DAPK2: variants seen among roughly 807,000 people sequenced by gnomAD.
DAPK2 encodes the protein death associated protein kinase 2.
DAPK2 carries 35 observed loss-of-function variants against 44.1 expected under a neutral mutation model. That is an observed-to-expected ratio of 0.79 (90% CI 0.61 to 1.05). DAPK2 has a LOEUF of 1.05. DAPK2 is among the 50% of genes least tolerant of loss of function. The probability of loss-of-function intolerance (pLI) is 0.00; values close to 1 mark genes in which losing one functional copy is unlikely to be tolerated. For missense variants in DAPK2, 453 were observed against 483.2 expected (o/e 0.94, Z 0.59); for synonymous variants, 174 against 182.6 (o/e 0.95, Z 0.38).
intron 1 of DAPK2, among the ~76,000 whole-genome samples, chr15:63,987,365 T>C (rs1048096833): frequency 3.9e-5 from 6 of 152,146 alleles, no homozygotes; most frequent in African/African-American, 9.7e-5. Flanking sequence ...GTCTGTCTAC[T>C]TTAGGACAGA....
chr15:63,913,863 T>G (rs1208512003), intron 8 of DAPK2, among the ~76,000 whole-genome samples: 1 of 152,156 alleles, frequency 6.6e-6, no homozygotes, highest in Admixed American at 6.5e-5. Context: ...ACAAGGCACA[T>G]GTATGCTCCT....
chr15:63,910,017 C>T (rs980015391), intron 10 of DAPK2, among the ~76,000 whole-genome samples: 15 of 152,188 alleles, frequency 9.9e-5, no homozygotes, highest in African/African-American at 3.1e-4. Context: ...AGACCAAGCC[C>T]GGCTATAACA....
At chr15:63,940,290 A>G (rs2077271594) in intron 3 of DAPK2, among the ~76,000 whole-genome samples, 1 of 152,134 alleles carries the variant, frequency 6.6e-6, no homozygotes, top group African/African-American at 2.4e-5. Flanking sequence ...CATATTCCCA[A>G]TATCCCTGAA....
chr15:63,925,198 G>A (rs1272137933), intron 7 of DAPK2, among the ~76,000 whole-genome samples: 1 of 152,152 alleles, frequency 6.6e-6, no homozygotes, highest in East Asian at 1.9e-4. Flanking sequence ...TCCCTGGTCT[G>A]TTTTTCTGTT....
intron 1 of DAPK2, among the ~76,000 whole-genome samples, chr15:63,992,448 C>T (rs1172558261): frequency 6.6e-6 from 1 of 152,056 alleles, no homozygotes; most frequent in Non-Finnish European, 1.5e-5. Context: ...TGATCATTGT[C>T]CTAAGTGCTG....
In DAPK2 at chr15:63,912,221, C is replaced by T. The variant is rs769949313; in HGVS notation, c.859-24G>A. ...GGCTGAGAGACAAAGCAGAGCATGG[C>T]AGCTGATGCTGGGCTTCAGACAGCA... On this transcript the variant is annotated intron_variant, in intron 8 of 10. Coordinates refer to ENST00000261891, the Ensembl canonical transcript of DAPK2. The surrounding 1 kb of genome is among the most constrained non-coding windows in gnomAD (Gnocchi z 4.4). The T allele has an allele frequency of 3.7e-6, 6 of 1,611,962 alleles. No individual in the cohort carries two copies. Among genetic ancestry groups the T allele is most frequent in the African/African-American group, 1.3e-5 (1 of 74,878 alleles).
intron 3 of DAPK2, among the ~76,000 whole-genome samples, chr15:63,944,276 T>G (rs944162023): frequency 6.6e-6 from 1 of 152,176 alleles, no homozygotes; most frequent in East Asian, 1.9e-4. Flanking sequence ...TTGGGCCATT[T>G]GGACCAGACA....
intron 3 of DAPK2, among the ~76,000 whole-genome samples, chr15:63,953,471 A>G (rs935489658): frequency 6.6e-6 from 1 of 152,234 alleles, no homozygotes; most frequent in African/African-American, 2.4e-5. Context: ...TTATGGCTCA[A>G]TAGTACTTAT....
chr15:64,040,154 TCA>T lies in DAPK2; in HGVS notation c.92+14_92+15del. 6.2e-7 allele frequency: 1 copy of T among 1,606,962 alleles called. No homozygotes were observed. Among genetic ancestry groups the T allele is most frequent in the Non-Finnish European group, 8.5e-7 (1 of 1,173,680 alleles). ...GGCTCCCTCGGCATCCCCCCACCTC[TCA>T]CACAGTCTCCTACCTCCCCAGCTCC... On this transcript the variant is annotated intron_variant, in intron 1 of 10. Coordinates refer to ENST00000261891, the Ensembl canonical transcript of DAPK2.
chr15:64,032,343 G>C (rs886189668), intron 1 of DAPK2, among the ~76,000 whole-genome samples: 1 of 152,230 alleles, frequency 6.6e-6, no homozygotes, highest in Non-Finnish European at 1.5e-5. Flanking sequence ...ATTTTTCCAA[G>C]AGTGAGGAAA....
At chr15:63,941,888 T>C (rs540113860) in intron 3 of DAPK2, among the ~76,000 whole-genome samples, 1 of 152,266 alleles carries the variant, frequency 6.6e-6, no homozygotes, top group Admixed American at 6.5e-5. Context: ...TGGACCCAAG[T>C]GTCCTGGCAC....
intron 3 of DAPK2, among the ~76,000 whole-genome samples, chr15:63,940,260 T>A (rs2077271002): frequency 1.3e-5 from 2 of 151,952 alleles, no homozygotes; most frequent in South Asian, 4.1e-4. Flanking sequence ...ACAAAATATG[T>A]ATACAAATGT....
At chr15:63,952,722 T>C (rs553015194) in intron 3 of DAPK2, among the ~76,000 whole-genome samples, 9 of 152,200 alleles carry the variant, frequency 5.9e-5, no homozygotes, top group Non-Finnish European at 1.2e-4. Flanking sequence ...GATATTTTGA[T>C]ACAGGCATAC....
chr15:64,017,437 C>T (rs779991697), intron 1 of DAPK2, among the ~76,000 whole-genome samples: 4 of 152,174 alleles, frequency 2.6e-5, no homozygotes, highest in Non-Finnish European at 5.9e-5. Context: ...AACCCTCCAC[C>T]GAGGTGGCTC....
At chr15:64,002,974 C>G (rs77723899) in intron 1 of DAPK2, among the ~76,000 whole-genome samples, 5,888 of 51,512 alleles carry the variant, frequency 0.11, 443 homozygotes, top group African/African-American at 0.19. Flanking sequence ...GTCGTGGGAC[C>G]TGTGTGTGTG....
chr15:64,017,191 C>T (rs1020101603), intron 1 of DAPK2, among the ~76,000 whole-genome samples: 14 of 152,150 alleles, frequency 9.2e-5, no homozygotes, highest in South Asian at 4.1e-4. Flanking sequence ...CCCCTAGGTA[C>T]CTTCAGTAGG....
At chr15:63,929,292 T>C (rs1032946273) in intron 6 of DAPK2, among the ~76,000 whole-genome samples, 1 of 151,850 alleles carries the variant, frequency 6.6e-6, no homozygotes, top group African/African-American at 2.4e-5. Flanking sequence ...TGGCATTCCA[T>C]AGGAGGAATG....
At chr15:63,910,130 A>T in intron 10 of DAPK2, among the ~76,000 whole-genome samples, 1 of 152,232 alleles carries the variant, frequency 6.6e-6, no homozygotes, top group East Asian at 1.9e-4. Context: ...ATTATCAGGG[A>T]TTCTCAGCGG....
At chr15:64,041,641 C>A (rs935434528), upstream of DAPK2, among the ~76,000 whole-genome samples, 1 of 152,212 alleles carries the variant, frequency 6.6e-6, no homozygotes, top group African/African-American at 2.4e-5. Context: ...GACTGCCAAT[C>A]AGATCCCAAC....
Sources: gnomAD v4.1 joint callset for allele counts (sites outside exome capture counted in the v4.1 genomes callset) on GRCh38, gnomAD v4.1.1 for gene constraint, Gnocchi (gnomAD v3.1) non-coding constraint, MANE v1.5 for transcripts, NCBI Gene and HGNC (gene_info 2026-07-23, HGNC 2026-07-21) for gene names.